The following DSG2 variants were observed in gnomAD, a reference collection of about 807,000 sequenced individuals.
DSG2 encodes desmoglein-2.
In DSG2, 45 loss-of-function variants were observed where a neutral mutation model predicts 75.6. That is an observed-to-expected ratio of 0.60 (90% CI 0.47 to 0.76). DSG2 has a LOEUF of 0.76. DSG2 is among the 30% of genes least tolerant of loss of function. The pLI, the probability that DSG2 is intolerant of heterozygous loss-of-function variation, is 0.00. For missense variants in DSG2, 1,267 were observed against 1,357.4 expected, an observed-to-expected ratio of 0.93 and a Z score of 1.05; for synonymous variants, 429 against 483.9, an observed-to-expected ratio of 0.89 and a Z score of 1.49.
Position 31,524,906 on chromosome 18 carries a change from A to G in DSG2, c.1014+18A>G, listed in dbSNP as rs534712537. The stretch of plus-strand genomic sequence containing the variant: ...TTATTAAGGTAAGTACTAAGTATTC[A>G]AAACTGGCGTGGGCCAAGTTGGTGC... On this transcript the variant is annotated intron_variant, in intron 8 of 14. Coordinates refer to ENST00000261590, the MANE Select transcript of DSG2 (RefSeq NM_001943.5). 82 of 1,613,404 alleles carry G rather than the reference A, an allele frequency of 5.1e-5. 1 individual carries two copies. The South Asian group carries it at 8.8e-4, about 17-fold the overall frequency.
At chr18:31,508,075 C>A (rs1176266492) in intron 1 of DSG2, among the ~76,000 whole-genome samples, 3 of 152,108 alleles carry the variant, frequency 2.0e-5, no homozygotes, top group African/African-American at 7.2e-5. Flanking sequence ...ACATTTAAGT[C>A]TTTAATCCAT....
intron 8 of DSG2, 75 bp from the exon 9 acceptor site, chr18:31,530,912 A>G: frequency 1.4e-6 from 2 of 1,453,432 alleles, no homozygotes; most frequent in Non-Finnish European, 9.5e-7. Flanking sequence ...CATTAAAACC[A>G]CACATGTATA....
chr18:31,546,009 A>G lies in DSG2; in HGVS notation c.2623A>G (p.Met875Val), dbSNP rs370316475. 27 of 1,614,084 alleles carry G rather than the reference A, an allele frequency of 1.7e-5. No individual in the cohort carries two copies. The highest frequency in any genetic ancestry group is 2.7e-5 in the African/African-American group (2 of 74,940). The part of the protein sequence containing the change: ...TASHSLCEQT[M>V]VNSENTYSSG... ...TTCACATTCACTCTGTGAGCAAACT[A>G]TGGTTAATTCAGAGAATACCTACTC... is the stretch of plus-strand genomic sequence containing the variant. The change falls in exon 15 of 15, where the codon ATG (methionine) becomes GTG (valine). Residue 875 changes from methionine to valine, a missense_variant. By Grantham distance (21) the Met-to-Val change is conservative. Transcript: ENST00000261590.
At chr18:31,533,315 T>A (rs945208126) in intron 9 of DSG2, among the ~76,000 whole-genome samples, 11 of 151,356 alleles carry the variant, frequency 7.3e-5, no homozygotes, top group African/African-American at 9.7e-5. Context: ...CAAAAAAAAA[T>A]TTTTTTTTCA....
rs898846167 is a variant in DSG2 at position 31,548,372 on chromosome 18, G to C, written c.*1629G>C. 1.3e-5 allele frequency: 2 copies of C among 152,196 alleles called. No individual in the cohort carries two copies. Among genetic ancestry groups the C allele is most frequent in the Admixed American group, 1.3e-4 (2 of 15,278 alleles). 9.4% of individuals were successfully genotyped at this position (152,196 alleles called of 1,614,324 possible). On this transcript the variant is annotated 3_prime_UTR_variant, in exon 15 of 15. Coordinates refer to ENST00000261590, the MANE Select transcript of DSG2 (RefSeq NM_001943.5). ...TGACTGAAGATATTTTGCTAGGGAA[G>C]TGAAACTTTAAAATTTTGTAGATTT...
At position 31,546,137 on chromosome 18, in the gene DSG2, G is replaced by A. The variant is rs763063602; in HGVS notation, c.2751G>A (p.Ala917=). The A allele has an allele frequency of 2.2e-5, 35 of 1,614,052 alleles. No individual in the cohort carries two copies. The highest frequency in any genetic ancestry group is 9.9e-5 in the South Asian group (9 of 91,082). ...VTERSVSSRQ[A]QKVATPLPDP... The stretch of plus-strand genomic sequence containing the variant: ...AAAGATCTGTGTCTTCTAGGCAGGC[G>A]CAAAAGGTAGCTACACCTCTTCCTG... Residue 917 remains alanine, a synonymous_variant, in exon 15 of 15, where the codon GCG becomes GCA. Coordinates refer to ENST00000261590, the MANE Select transcript of DSG2 (RefSeq NM_001943.5).
chr18:31,541,371 AG>A (rs2073267083), intron 13 of DSG2, 57 bp downstream of exon 13: 2 of 1,602,338 alleles, frequency 1.2e-6, no homozygotes. Flanking sequence ...AAAGGGGCCT[AG>A]GGAAGTGTTT....
chr18:31,537,436 G>A (rs949741471), intron 11 of DSG2, among the ~76,000 whole-genome samples: 23 of 152,144 alleles, frequency 1.5e-4, no homozygotes, highest in Admixed American at 4.6e-4. Context: ...TGGCTAACAC[G>A]GTGAAACCCC....
intron 8 of DSG2, among the ~76,000 whole-genome samples, chr18:31,527,831 A>G (rs2073171632): frequency 6.6e-6 from 1 of 152,230 alleles, no homozygotes; most frequent in Non-Finnish European, 1.5e-5. Context: ...AGATCAAAGC[A>G]GATGCAGTGT....
chr18:31,539,741 G>A (rs2073254941), intron 12 of DSG2, among the ~76,000 whole-genome samples: 2 of 152,202 alleles, frequency 1.3e-5, no homozygotes, highest in South Asian at 4.1e-4. Context: ...CAACCCCCAG[G>A]CTACAGACCA....
intron 11 of DSG2, among the ~76,000 whole-genome samples, chr18:31,537,999 ATAAG>A (rs2073241738): frequency 6.6e-6 from 1 of 152,184 alleles, no homozygotes; most frequent in Non-Finnish European, 1.5e-5. Flanking sequence ...ATTTCAAAAA[ATAAG>A]AAGAAGAAGA....
chr18:31,539,204 A>G (rs2073251133), intron 12 of DSG2, among the ~76,000 whole-genome samples: 2 of 152,182 alleles, frequency 1.3e-5, no homozygotes, highest in African/African-American at 2.4e-5. Context: ...GGTTTCAGTA[A>G]CTTAGGAACT....
At chr18:31,506,615 A>G (rs2073040340) in intron 1 of DSG2, among the ~76,000 whole-genome samples, 1 of 152,246 alleles carries the variant, frequency 6.6e-6, no homozygotes, top group Non-Finnish European at 1.5e-5. Context: ...CCCAGTGAAA[A>G]GAAATCATTT....
intron 1 of DSG2, among the ~76,000 whole-genome samples, chr18:31,505,672 C>CT (rs1184235016): frequency 0.011 from 922 of 82,636 alleles, 6 homozygotes; most frequent in East Asian, 0.023. Context: ...TTTTTTTTTT[C>CT]TTTTTTTTGA....
At position 31,524,887 on chromosome 18, in the gene DSG2, A is replaced by T. The variant is rs1454000095; in HGVS notation, c.1013A>T (p.Lys338Met). The T allele has an allele frequency of 1.9e-6, 3 of 1,614,034 alleles. No individual in the cohort carries two copies. In the Admixed American group the frequency reaches 5.0e-5, roughly 27 times the overall value. ...AACGAAGGAATTGTGACCCTTATTA[A>T]GGTAAGTACTAAGTATTCAAAACTG... is the stretch of plus-strand genomic sequence containing the variant. ...QTNEGIVTLIKEVDYEEMKNL... is the reference protein window; with the variant it reads ...QTNEGIVTLIMEVDYEEMKNL... Residue 338 changes from lysine (K) to methionine (M), a missense_variant and splice_region_variant, in exon 8 of 15, where the codon AAG (lysine) becomes ATG (methionine). Lys to Met is a moderately conservative substitution (Grantham distance 95). Transcript: ENST00000261590.
At chr18:31,534,589 C>T (rs2053827) in intron 9 of DSG2, among the ~76,000 whole-genome samples, 34,572 of 146,016 alleles carry the variant, frequency 0.24, 4,513 homozygotes, top group East Asian at 0.46. Flanking sequence ...CGGCTCACTG[C>T]AACCTCCACC....
At chr18:31,539,521 C>T (rs1446339083) in intron 12 of DSG2, among the ~76,000 whole-genome samples, 1 of 152,232 alleles carries the variant, frequency 6.6e-6, no homozygotes, top group Admixed American at 6.5e-5. Context: ...TCCTGTCCTT[C>T]CTGACCGTAA....
At position 31,524,811 on chromosome 18, in the gene DSG2, G is replaced by C; in HGVS notation, c.937G>C (p.Ala313Pro). The change falls in exon 8 of 15, where the codon GCA becomes CCA. Residue 313 changes from alanine (A) to proline (P), a missense_variant. By Grantham distance (27) the Ala-to-Pro change is conservative. Coordinates refer to ENST00000261590, the MANE Select transcript of DSG2 (RefSeq NM_001943.5). ...SDNWLANFTF[A>P]SGNEGGYFHI... ...TAATTGGCTGGCAAATTTTACATTT[G>C]CATCAGGAAATGAAGGAGGTTATTT... The C allele has an allele frequency of 6.2e-7, 1 of 1,614,182 alleles. No homozygotes were observed. Among genetic ancestry groups the C allele is most frequent in the Non-Finnish European group, 8.5e-7 (1 of 1,180,020 alleles).
At chr18:31,531,844 C>A (rs536442336) in intron 9 of DSG2, among the ~76,000 whole-genome samples, 4 of 152,284 alleles carry the variant, frequency 2.6e-5, no homozygotes, top group African/African-American at 9.6e-5. Flanking sequence ...TAGTTTGTGT[C>A]CACTCTGTAG....
Sources: gnomAD v4.1 joint callset for allele counts (sites outside exome capture counted in the v4.1 genomes callset) on GRCh38, gnomAD v4.1.1 for gene constraint, MANE v1.5 for transcripts, NCBI Gene and HGNC (gene_info 2026-07-23, HGNC 2026-07-21) for gene names.